The following ASCC3 variants were observed in gnomAD, a reference collection of about 807,000 sequenced individuals.
ASCC3 encodes the protein ASC-1 complex subunit P200.
Under a neutral mutation model 256.3 loss-of-function variants are expected in ASCC3, and 158 were observed. That is an observed-to-expected ratio of 0.62 (90% CI 0.54 to 0.70). The LOEUF (loss-of-function observed/expected upper bound fraction) is 0.70. Among genes scored for constraint, ASCC3 ranks in the 30% least tolerant of loss-of-function variants. The pLI, the probability that ASCC3 is intolerant of heterozygous loss-of-function variation, is 0.00. For missense variants in ASCC3, 2,259 were observed against 2,626.0 expected (o/e 0.86, Z 3.05); for synonymous variants, 948 against 883.4 (o/e 1.07, Z -1.30).
chr6:100,710,410 C>G (rs1228648365), intron 13 of ASCC3, among the ~76,000 whole-genome samples: 1 of 152,134 alleles, frequency 6.6e-6, no homozygotes, highest in Non-Finnish European at 1.5e-5. Context: ...TCCTTTCTAA[C>G]CATGCACAAC....
intron 4 of ASCC3, among the ~76,000 whole-genome samples, chr6:100,840,384 G>A (rs1356985227): frequency 1.3e-5 from 2 of 151,952 alleles, no homozygotes; most frequent in African/African-American, 2.4e-5. Flanking sequence ...CTGGAGGGCA[G>A]TGGCATGGTC....
intron 12 of ASCC3, among the ~76,000 whole-genome samples, chr6:100,717,714 A>C (rs1478466769): frequency 6.6e-6 from 1 of 152,056 alleles, no homozygotes; most frequent in East Asian, 1.9e-4. Context: ...TATCATCACA[A>C]TATATATTAC....
intron 34 of ASCC3, among the ~76,000 whole-genome samples, chr6:100,590,798 G>C (rs1038416156): frequency 2.0e-5 from 3 of 152,088 alleles, no homozygotes; most frequent in Non-Finnish European, 2.9e-5. Flanking sequence ...ACACTATCTA[G>C]ATGACAATTT....
intron 14 of ASCC3, among the ~76,000 whole-genome samples, chr6:100,669,193 ATAT>A: frequency 6.7e-6 from 1 of 149,912 alleles, no homozygotes; most frequent in East Asian, 1.9e-4. Flanking sequence ...ATTATGTAAA[ATAT>A]TTTTTATATT....
intron 36 of ASCC3, among the ~76,000 whole-genome samples, chr6:100,549,022 T>A (rs1287122988): frequency 6.6e-6 from 1 of 151,948 alleles, no homozygotes; most frequent in Non-Finnish European, 1.5e-5. Context: ...ATTTTGTGAA[T>A]GTCCTCTTTC....
chr6:100,719,256 T>G (rs769045209), intron 11 of ASCC3, among the ~76,000 whole-genome samples: 1 of 152,090 alleles, frequency 6.6e-6, no homozygotes, highest in African/African-American at 2.4e-5. Flanking sequence ...AGAAATCTTA[T>G]AGATATTGGC....
chr6:100,755,017 AAATTAC>A (rs1443322109), intron 10 of ASCC3, among the ~76,000 whole-genome samples: 1 of 152,010 alleles, frequency 6.6e-6, no homozygotes, highest in African/African-American at 2.4e-5. Context: ...TTTTCTTTAT[AAATTAC>A]CCAGTCTCGG....
intron 13 of ASCC3, among the ~76,000 whole-genome samples, chr6:100,683,008 G>T (rs1232091157): frequency 6.6e-6 from 1 of 152,112 alleles, no homozygotes; most frequent in East Asian, 1.9e-4. Context: ...GTTATTGTGT[G>T]AAATTGGTTA....
intron 1 of ASCC3, among the ~76,000 whole-genome samples, chr6:100,873,193 G>A (rs1773834787): frequency 6.6e-6 from 1 of 151,982 alleles, no homozygotes; most frequent in Non-Finnish European, 1.5e-5. Flanking sequence ...AATAAGAAAC[G>A]AAACTTCAGG....
chr6:100,693,001 T>C (rs1212301214), intron 13 of ASCC3, among the ~76,000 whole-genome samples: 1 of 151,918 alleles, frequency 6.6e-6, no homozygotes, highest in African/African-American at 2.4e-5. Context: ...AAAATTAGAA[T>C]ATTATCCATT....
chr6:100,688,137 C>G (rs1198042988), intron 13 of ASCC3, among the ~76,000 whole-genome samples: 1 of 151,748 alleles, frequency 6.6e-6, no homozygotes, highest in Non-Finnish European at 1.5e-5. Flanking sequence ...ATACATATCA[C>G]ATGGTCAAAA....
At chr6:100,789,966 T>C (rs1354543225) in intron 8 of ASCC3, among the ~76,000 whole-genome samples, 8 of 151,966 alleles carry the variant, frequency 5.3e-5, no homozygotes, top group Non-Finnish European at 1.2e-4. Context: ...ACTTTGATAT[T>C]TGCACCACTG....
intron 34 of ASCC3, among the ~76,000 whole-genome samples, chr6:100,595,634 G>A (rs548221068): frequency 5.1e-4 from 77 of 152,290 alleles, no homozygotes; most frequent in African/African-American, 1.8e-3. Flanking sequence ...GAAGTGGACA[G>A]GGAATGTGGA....
At chr6:100,780,730 A>G (rs183395266) in intron 8 of ASCC3, among the ~76,000 whole-genome samples, 1 of 152,356 alleles carries the variant, frequency 6.6e-6, no homozygotes, top group East Asian at 1.9e-4. Flanking sequence ...ACAAGTAACC[A>G]TTTGTTGAAT....
intron 36 of ASCC3, among the ~76,000 whole-genome samples, chr6:100,549,350 G>A (rs976646626): frequency 2.0e-5 from 3 of 151,780 alleles, no homozygotes; most frequent in African/African-American, 2.4e-5. Flanking sequence ...GCTATTCTAC[G>A]CTGTTTTGAA....
chr6:100,704,401 C>T (rs1216933112), intron 13 of ASCC3, among the ~76,000 whole-genome samples: 1 of 151,856 alleles, frequency 6.6e-6, no homozygotes, highest in Non-Finnish European at 1.5e-5. Flanking sequence ...AGCAGAAACA[C>T]TAGTACTGAG....
chr6:100,668,090 C>T (rs185028064), intron 14 of ASCC3, among the ~76,000 whole-genome samples: 48 of 152,142 alleles, frequency 3.2e-4, no homozygotes, highest in African/African-American at 1.1e-3. Context: ...ACAGCCATAT[C>T]AATTTGTTAC....
chr6:100,731,389 CTT>C lies in ASCC3; in HGVS notation c.1738-5688_1738-5687del, dbSNP rs113919575. Among the ~76,000 whole-genome samples the C allele has an allele frequency of 3.3e-5, 5 of 152,294 alleles. 1 individual carries two copies. Among genetic ancestry groups the C allele is most frequent in the African/African-American group, 1.2e-4 (5 of 41,570 alleles). ...AGCTTGTAAAAAAAGGGACACAATA[CTT>C]TGTTACCCTGAAACCTTAACTAATT... On this transcript the variant is annotated intron_variant, in intron 10 of 41. Coordinates refer to ENST00000369162, the MANE Select transcript of ASCC3 (RefSeq NM_006828.4).
rs201967628 is a variant in ASCC3, at chr6:100,647,450, T to G, written c.3254A>C (p.Asn1085Thr). The G allele has an allele frequency of 1.9e-6, 3 of 1,612,862 alleles. No individual in the cohort carries two copies. The African/African-American group carries it at 4.0e-5, about 21-fold the overall frequency. The stretch of plus-strand genomic sequence containing the variant: ...AAGAGCACGGACAATTCTAGCTGCA[T>G]TCTAAAAAATTATAGGAGGAGATTG... ...LISDSAYVAQ[N>T]AARIVRALFE... is the part of the protein sequence containing the mutation. Residue 1085 changes from asparagine (N) to threonine (T), a missense_variant and splice_region_variant, in exon 21 of 42, where the codon AAT (asparagine) becomes ACT (threonine). Coordinates refer to ENST00000369162, the MANE Select transcript of ASCC3 (RefSeq NM_006828.4).
Sources: gnomAD v4.1 joint callset for allele counts (sites outside exome capture counted in the v4.1 genomes callset) on GRCh38, gnomAD v4.1.1 for gene constraint, MANE v1.5 for transcripts, NCBI Gene and HGNC (gene_info 2026-07-23, HGNC 2026-07-21) for gene names.